The following C10orf90 variants were observed in gnomAD, a reference collection of about 807,000 sequenced individuals.
C10orf90 encodes the protein chromosome 10 open reading frame 90, also known as (E2-independent) E3 ubiquitin-conjugating enzyme FATS.
Under a neutral mutation model 62.5 loss-of-function variants are expected in C10orf90, and 56 were observed. That is an observed-to-expected ratio of 0.90 (90% CI 0.72 to 1.12). The LOEUF (loss-of-function observed/expected upper bound fraction) is 1.12. Ranked by LOEUF, C10orf90 falls within the 50% of genes most tolerant of loss-of-function variation. The pLI, the probability that C10orf90 is intolerant of heterozygous loss-of-function variation, is 0.00. For missense variants in C10orf90, 970 were observed against 880.4 expected (o/e 1.10, Z -1.29); for synonymous variants, 386 against 340.4 (o/e 1.13, Z -1.47).
At chr10:126,437,472 G>T (rs11244986) in intron 7 of C10orf90, among the ~76,000 whole-genome samples, 1 of 152,120 alleles carries the variant, frequency 6.6e-6, no homozygotes, top group Non-Finnish European at 1.5e-5. Flanking sequence ...GCTTGGGTTT[G>T]AGGACCGCTG....
At chr10:126,487,357 A>G (rs1466810164) in intron 4 of C10orf90, among the ~76,000 whole-genome samples, 2 of 152,122 alleles carry the variant, frequency 1.3e-5, no homozygotes, top group Admixed American at 1.3e-4. Context: ...CACTTTAAAT[A>G]CATTGTAATG....
chr10:126,547,158 G>A lies in C10orf90; in HGVS notation c.314-33219C>T, dbSNP rs180829191. The stretch of plus-strand genomic sequence containing the variant: ...AAAAAGGCCGGGCGTTGTGGCTCAC[G>A]CCTGTAATCCCAGCACTTTGGGAGG... On this transcript the variant is annotated intron_variant, in intron 2 of 9. Coordinates refer to ENST00000488181, the MANE Select transcript of C10orf90 (RefSeq NM_001350921.2). Among the ~76,000 whole-genome samples, 644 of 151,786 alleles carry A rather than the reference G, an allele frequency of 4.2e-3. 8 individuals are homozygous for A. Among genetic ancestry groups the A allele is most frequent in the Middle Eastern group, 3.4e-3 (1 of 294 alleles).
chr10:126,565,755 T>C (rs1028309877), intron 2 of C10orf90, among the ~76,000 whole-genome samples: 1 of 152,074 alleles, frequency 6.6e-6, no homozygotes, highest in Non-Finnish European at 1.5e-5. Flanking sequence ...TCATCAGCCT[T>C]TGATGTGGCC....
intron 2 of C10orf90, among the ~76,000 whole-genome samples, chr10:126,642,934 G>T (rs1192601284): frequency 6.6e-6 from 1 of 152,074 alleles, no homozygotes; most frequent in African/African-American, 2.4e-5. Flanking sequence ...TATCTATCCA[G>T]GAACATCTTT....
intron 4 of C10orf90, among the ~76,000 whole-genome samples, chr10:126,489,997 T>A (rs28538560): frequency 5.2e-5 from 5 of 95,762 alleles, no homozygotes; most frequent in African/African-American, 8.4e-5. Context: ...ATAATATATA[T>A]TATATATTAT....
chr10:126,558,999 A>G (rs143554197), intron 2 of C10orf90, among the ~76,000 whole-genome samples: 265 of 152,384 alleles, frequency 1.7e-3, no homozygotes, highest in Middle Eastern at 6.8e-3. Flanking sequence ...AGTACCCTGA[A>G]CGTGGCTTTC....
intron 2 of C10orf90, among the ~76,000 whole-genome samples, chr10:126,627,392 C>G (rs1845767226): frequency 6.6e-6 from 1 of 152,096 alleles, no homozygotes; most frequent in Non-Finnish European, 1.5e-5. Flanking sequence ...AGGAAAACTT[C>G]ACTGTGGTCC....
Position 126,427,700 on chromosome 10 carries a change from T to A in C10orf90, c.2253-1610A>T, listed in dbSNP as rs142926421. Among the ~76,000 whole-genome samples the A allele has an allele frequency of 1.2e-4, 18 of 152,308 alleles. No homozygotes were observed. The East Asian group carries it at 3.5e-3, about 29-fold the overall frequency. On this transcript the variant is annotated intron_variant, in intron 8 of 9. Transcript: ENST00000488181. ...ACTCCAGATTCTTCGGCCTCTGGACTCTTGGGCTTGCACCGGGGGCTCTCA... is the reference window on the plus strand; with the variant it reads ...ACTCCAGATTCTTCGGCCTCTGGACACTTGGGCTTGCACCGGGGGCTCTCA...
chr10:126,448,247 G>A (rs1384317620), intron 7 of C10orf90, among the ~76,000 whole-genome samples: 1 of 151,790 alleles, frequency 6.6e-6, no homozygotes, highest in East Asian at 1.9e-4. Context: ...TCATAGATAT[G>A]TGAAAATTAC....
intron 1 of C10orf90, among the ~76,000 whole-genome samples, chr10:126,649,020 C>G (rs997131370): frequency 1.3e-5 from 1 of 76,958 alleles, no homozygotes; most frequent in Non-Finnish European, 2.8e-5. Context: ...ATATCTCTCT[C>G]TCTCTCTGTC....
intron 2 of C10orf90, among the ~76,000 whole-genome samples, chr10:126,526,332 C>T (rs1591069915): frequency 1.3e-5 from 2 of 151,744 alleles, no homozygotes; most frequent in East Asian, 3.9e-4. Flanking sequence ...GCAAGCTCCG[C>T]CTCCCAGGCT....
intron 2 of C10orf90, among the ~76,000 whole-genome samples, chr10:126,527,530 A>G (rs1462333688): frequency 6.6e-6 from 1 of 152,236 alleles, no homozygotes; most frequent in Non-Finnish European, 1.5e-5. Context: ...GTATCTCTGC[A>G]CCTTCAATGG....
At chr10:126,661,640 C>T (rs568755489) in intron 1 of C10orf90, among the ~76,000 whole-genome samples, 17 of 152,010 alleles carry the variant, frequency 1.1e-4, no homozygotes, top group African/African-American at 4.1e-4. Flanking sequence ...CTGTCTCTCC[C>T]TCTCTGAATC....
chr10:126,485,249 C>T (rs1359099607), intron 4 of C10orf90, among the ~76,000 whole-genome samples: 2 of 152,188 alleles, frequency 1.3e-5, no homozygotes, highest in African/African-American at 4.8e-5. Context: ...TTCACCAGAA[C>T]CCGACCATGC....
chr10:126,611,879 T>C (rs1456137559), intron 2 of C10orf90, among the ~76,000 whole-genome samples: 1 of 152,210 alleles, frequency 6.6e-6, no homozygotes, highest in East Asian at 1.9e-4. Flanking sequence ...AAATTCACAA[T>C]GGCACAAATC....
In C10orf90 at chr10:126,613,281, T is replaced by C. The variant is rs886746886; in HGVS notation, c.313+33284A>G. 9.2e-5 allele frequency among the ~76,000 whole-genome samples: 14 copies of C among 152,254 alleles called. 1 individual carries two copies. The South Asian group carries it at 2.7e-3, about 29-fold the overall frequency. Reference sequence around the variant, plus strand: ...CCTCTGTCTCCTCTCTCCACCTAGGTTGGAGTGCAGTGGCATGATCTTGGC... The same window carrying C: ...CCTCTGTCTCCTCTCTCCACCTAGGCTGGAGTGCAGTGGCATGATCTTGGC... On this transcript the variant is annotated intron_variant, in intron 2 of 9. Transcript: ENST00000488181.
intron 2 of C10orf90, among the ~76,000 whole-genome samples, chr10:126,576,318 T>G (rs1844609953): frequency 6.6e-6 from 1 of 151,718 alleles, no homozygotes; most frequent in Admixed American, 6.6e-5. Context: ...AAGATATAAA[T>G]TTTGACATCA....
intron 2 of C10orf90, among the ~76,000 whole-genome samples, chr10:126,560,526 A>G (rs1564871619): frequency 6.6e-6 from 1 of 152,084 alleles, no homozygotes; most frequent in Non-Finnish European, 1.5e-5. Context: ...GGGCCATTGG[A>G]GGGCATAGGT....
chr10:126,542,276 G>A lies in C10orf90; in HGVS notation c.314-28337C>T, dbSNP rs866543139. ...CCAGCACTTTGGGAGGTAGAGGCAG[G>A]TGGATCACTTGAGGTTAGGAGTTTG... On this transcript the variant is annotated intron_variant, in intron 2 of 9. Transcript: ENST00000488181. Among the ~76,000 whole-genome samples the A allele has an allele frequency of 2.6e-5, 4 of 152,270 alleles. No individual in the cohort carries two copies. In the East Asian group the frequency reaches 7.7e-4, roughly 29 times the overall value.
Sources: gnomAD v4.1 joint callset for allele counts (sites outside exome capture counted in the v4.1 genomes callset) on GRCh38, gnomAD v4.1.1 for gene constraint, MANE v1.5 for transcripts, NCBI Gene and HGNC (gene_info 2026-07-23, HGNC 2026-07-21) for gene names.